Variants in KCNJ6 observed in about 807,000 individuals in gnomAD.
KCNJ6 encodes potassium inwardly rectifying channel subfamily J member 6, also known as G protein-activated inward rectifier potassium channel 2.
In KCNJ6, 9 loss-of-function variants were observed where a neutral mutation model predicts 34.2. That is an observed-to-expected ratio of 0.26 (90% CI 0.16 to 0.46). The LOEUF (loss-of-function observed/expected upper bound fraction) is 0.46, where lower values mean the gene tolerates loss of function less well. Among genes scored for constraint, KCNJ6 ranks in the 20% least tolerant of loss-of-function variants. The probability of loss-of-function intolerance (pLI) is 1.00; values close to 1 mark genes in which losing one functional copy is unlikely to be tolerated. For missense variants in KCNJ6, 236 were observed against 531.3 expected, an observed-to-expected ratio of 0.44 and a Z score of 5.46; for synonymous variants, 196 against 207.1, an observed-to-expected ratio of 0.95 and a Z score of 0.46.
chr21:37,677,944 C>A (rs1304838238), intron 3 of KCNJ6, among the ~76,000 whole-genome samples: 1 of 33,924 alleles, frequency 2.9e-5, no homozygotes, highest in Non-Finnish European at 1.3e-4. Context: ...CATTCATTGG[C>A]AAAGGCAAGC....
intron 2 of KCNJ6, among the ~76,000 whole-genome samples, chr21:37,719,751 G>A (rs1441508032): frequency 6.6e-6 from 1 of 152,132 alleles, no homozygotes; most frequent in African/African-American, 2.4e-5. Flanking sequence ...GCCTCATGTT[G>A]AAATTTAATC....
At chr21:37,837,066 G>GTC (rs2055455446) in intron 2 of KCNJ6, among the ~76,000 whole-genome samples, 1 of 151,590 alleles carries the variant, frequency 6.6e-6, no homozygotes, top group Non-Finnish European at 1.5e-5. Flanking sequence ...TTGTAATTCT[G>GTC]TCTCGGTCCT....
intron 1 of KCNJ6, among the ~76,000 whole-genome samples, chr21:37,855,362 T>C (rs1211161529): frequency 4.6e-5 from 7 of 152,166 alleles, no homozygotes; most frequent in Non-Finnish European, 1.0e-4. Context: ...TCCATTCTCT[T>C]TAGCTTCTTT....
chr21:37,676,139 G>A (rs1023116859), intron 3 of KCNJ6, among the ~76,000 whole-genome samples: 4 of 152,224 alleles, frequency 2.6e-5, no homozygotes, highest in African/African-American at 9.6e-5. Flanking sequence ...GGCCCATGGC[G>A]TGGGGACTGA....
chr21:37,847,459 G>A (rs1444163790), intron 1 of KCNJ6, among the ~76,000 whole-genome samples: 2 of 152,202 alleles, frequency 1.3e-5, no homozygotes, highest in Non-Finnish European at 2.9e-5. Flanking sequence ...TCCTAGAAAT[G>A]AAGGCCGTTC....
intron 1 of KCNJ6, among the ~76,000 whole-genome samples, chr21:37,870,596 T>TTA (rs2055646703): frequency 6.6e-6 from 1 of 151,964 alleles, no homozygotes; most frequent in Non-Finnish European, 1.5e-5. Flanking sequence ...AAATTTTGTT[T>TTA]TTTTTGGTTT....
intron 1 of KCNJ6, among the ~76,000 whole-genome samples, chr21:37,842,002 AG>A (rs2123579578): frequency 6.6e-6 from 1 of 152,352 alleles, no homozygotes; most frequent in Non-Finnish European, 1.5e-5. Context: ...TCCCCCACAA[AG>A]GTTGTACCTG....
At chr21:37,668,040 C>T (rs2835886) in intron 3 of KCNJ6, among the ~76,000 whole-genome samples, 72,684 of 151,696 alleles carry the variant, frequency 0.48, 18,190 homozygotes, top group African/African-American at 0.64. Context: ...TGAAAGCTCA[C>T]GCCATGGTCT....
rs545879649 is a variant in KCNJ6, at chr21:37,824,295, A to G, written c.25+16363T>C. Reference sequence around the variant, plus strand: ...ATTTAACACCTTCATAATTTTTATGATATGACTGTTAGACAAACACAATTC... The same window carrying G: ...ATTTAACACCTTCATAATTTTTATGGTATGACTGTTAGACAAACACAATTC... On this transcript the variant is annotated intron_variant, in intron 2 of 3. Coordinates refer to ENST00000609713, the MANE Select transcript of KCNJ6 (RefSeq NM_002240.5). 3.9e-5 allele frequency among the ~76,000 whole-genome samples: 6 copies of G among 152,334 alleles called. No homozygotes were observed. In the South Asian group the frequency reaches 1.2e-3, roughly 32 times the overall value.
intron 3 of KCNJ6, among the ~76,000 whole-genome samples, chr21:37,710,926 T>C (rs1435573222): frequency 6.6e-6 from 1 of 152,118 alleles, no homozygotes; most frequent in African/African-American, 2.4e-5. Context: ...TTTTCCAGGG[T>C]TTGATTCATT....
chr21:37,873,941 AC>A (rs150318716), intron 1 of KCNJ6, among the ~76,000 whole-genome samples: 9 of 152,026 alleles, frequency 5.9e-5, no homozygotes, highest in Non-Finnish European at 1.2e-4. Flanking sequence ...TTACCACTCC[AC>A]CCTGCAAAGA....
rs1172378407 is a variant in KCNJ6, at chr21:37,612,741, AAAAG to A, written c.*12414_*12417del. On this transcript the variant is annotated 3_prime_UTR_variant, in exon 4 of 4. Transcript: ENST00000609713. ...TCCACAGGCAAAAAAAAAAAAAAAA[AAAAG>A]AGTCTAAATACAGACCTAACAAACA... The A allele has an allele frequency of 7.3e-5, 11 of 150,966 alleles. No individual in the cohort carries two copies. The highest frequency in any genetic ancestry group is 2.4e-4 in the African/African-American group (10 of 41,374). 9.4% of individuals were successfully genotyped at this position (150,966 alleles called of 1,614,324 possible).
In KCNJ6 at chr21:37,618,202, C is replaced by T. The variant is rs907139837; in HGVS notation, c.*6957G>A. 6.6e-6 allele frequency: 1 copy of T among 152,242 alleles called. No individual in the cohort carries two copies. The highest frequency in any genetic ancestry group is 2.4e-5 in the African/African-American group (1 of 41,450). 9.4% of individuals were successfully genotyped at this position (152,242 alleles called of 1,614,324 possible). On this transcript the variant is annotated 3_prime_UTR_variant, in exon 4 of 4. Transcript: ENST00000609713. ...CTTCTAAGAAGACTGGCTGAAGACCCAGAGGTTTGGGTAATGCACGGCTGA... is the reference window on the plus strand; with the variant it reads ...CTTCTAAGAAGACTGGCTGAAGACCTAGAGGTTTGGGTAATGCACGGCTGA...
At chr21:37,799,321 C>T (rs955271909) in intron 2 of KCNJ6, among the ~76,000 whole-genome samples, 2 of 152,144 alleles carry the variant, frequency 1.3e-5, no homozygotes, top group African/African-American at 4.8e-5. Context: ...TAGCCAGTCA[C>T]CCAACACATG....
At chr21:37,857,306 A>G (rs1396114336) in intron 1 of KCNJ6, among the ~76,000 whole-genome samples, 1 of 152,232 alleles carries the variant, frequency 6.6e-6, no homozygotes, top group Non-Finnish European at 1.5e-5. Flanking sequence ...CCAGAAATCT[A>G]TGGCAGAGCT....
At chr21:37,749,484 T>C (rs1053642567) in intron 2 of KCNJ6, among the ~76,000 whole-genome samples, 1 of 152,152 alleles carries the variant, frequency 6.6e-6, no homozygotes, top group African/African-American at 2.4e-5. Context: ...CTAGATGGTG[T>C]GAGATGCAAC....
chr21:37,873,348 T>C (rs1390279369), intron 1 of KCNJ6, among the ~76,000 whole-genome samples: 1 of 152,236 alleles, frequency 6.6e-6, no homozygotes, highest in Non-Finnish European at 1.5e-5. Context: ...GATACCATTA[T>C]TGGTGTTAGT....
chr21:37,705,145 T>TC (rs2054712980), intron 3 of KCNJ6, among the ~76,000 whole-genome samples: 1 of 152,200 alleles, frequency 6.6e-6, no homozygotes, highest in Admixed American at 6.5e-5. Flanking sequence ...TATATATCAT[T>TC]GAGCCATAGT....
intron 3 of KCNJ6, among the ~76,000 whole-genome samples, chr21:37,705,407 T>A (rs1339673699): frequency 6.6e-6 from 1 of 152,190 alleles, no homozygotes; most frequent in Non-Finnish European, 1.5e-5. Context: ...CATTTCAGAA[T>A]TGCTTTGAAG....
Sources: allele counts gnomAD v4.1 joint callset (sites outside exome capture counted in the v4.1 genomes callset), GRCh38; gene constraint gnomAD v4.1.1; transcripts MANE v1.5; gene names NCBI Gene and HGNC (gene_info 2026-07-23, HGNC 2026-07-21).